CDC20B: variants seen among roughly 807,000 people sequenced by gnomAD.
CDC20B encodes cell division cycle protein 20 homolog B.
Under a neutral mutation model 64.1 loss-of-function variants are expected in CDC20B, and 58 were observed. The observed-to-expected ratio is 0.90, with a 90% CI of 0.73 to 1.13. The LOEUF is 1.13. CDC20B is among the 50% of genes most tolerant of loss of function. CDC20B has a pLI of 0.00. For synonymous variants in CDC20B, 243 were observed against 230.6 expected, an observed-to-expected ratio of 1.05 and a Z score of -0.49; for missense variants, 597 against 633.0, an observed-to-expected ratio of 0.94 and a Z score of 0.61.
chr5:55,125,139 T>A, intron 8 of CDC20B, 111 bp from the exon 9 acceptor site: 1 of 755,448 alleles, frequency 1.3e-6, no homozygotes, highest in South Asian at 1.9e-5. Flanking sequence ...TAGGACAGAT[T>A]CAAAACACAG....
At chr5:55,144,061 A>T (rs1327029129) in intron 3 of CDC20B, among the ~76,000 whole-genome samples, 1 of 152,020 alleles carries the variant, frequency 6.6e-6, no homozygotes, top group Non-Finnish European at 1.5e-5. Flanking sequence ...ATAGTTTTAA[A>T]TGATAGTGGA....
At chr5:55,120,606 T>A in intron 9 of CDC20B, 56 bp from the exon 10 acceptor site, 1 of 1,597,478 alleles carries the variant, frequency 6.3e-7, no homozygotes, top group Non-Finnish European at 8.5e-7. Flanking sequence ...GGTGCACTCA[T>A]GAATGTGATG....
intron 11 of CDC20B, among the ~76,000 whole-genome samples, chr5:55,117,091 T>G (rs1435833024): frequency 6.6e-6 from 1 of 152,196 alleles, no homozygotes; most frequent in African/African-American, 2.4e-5. Flanking sequence ...TATTGATACA[T>G]GGAATGATGA....
chr5:55,159,062 A>T (rs1213654556), intron 2 of CDC20B, among the ~76,000 whole-genome samples: 1 of 151,988 alleles, frequency 6.6e-6, no homozygotes, highest in East Asian at 1.9e-4. Context: ...TCACTCTGTC[A>T]CCCAGGCTGC....
At chr5:55,146,248 C>G (rs1743470484) in intron 3 of CDC20B, among the ~76,000 whole-genome samples, 1 of 152,152 alleles carries the variant, frequency 6.6e-6, no homozygotes, top group Non-Finnish European at 1.5e-5. Flanking sequence ...AATCAGACCA[C>G]GTGCAAATAA....
chr5:55,143,637 C>A lies in CDC20B; in HGVS notation c.362G>T (p.Arg121Leu), dbSNP rs1297187074. Residue 121 changes from arginine (R) to leucine (L), a missense_variant, in exon 4 of 12, where the codon CGC (arginine) becomes CTC (leucine). By Grantham distance (102) the Arg-to-Leu change is moderately radical. Transcript: ENST00000381375. The stretch of plus-strand genomic sequence containing the variant: ...GCTGGGGGTCTTCAGTTGTTCTTTG[C>A]GGGATCCTACAAGAAAGACATTTAT... ...PEKETLTLGSRKEQLKTPSKG... is the reference protein window; with the variant it reads ...PEKETLTLGSLKEQLKTPSKG... The A allele has an allele frequency of 6.3e-7, 1 of 1,585,286 alleles. No homozygotes were observed. The highest frequency in any genetic ancestry group is 1.2e-5 in the South Asian group (1 of 85,932).
chr5:55,125,432 T>C (rs1265219023), intron 8 of CDC20B, among the ~76,000 whole-genome samples: 2 of 152,242 alleles, frequency 1.3e-5, no homozygotes, highest in Non-Finnish European at 2.9e-5. Context: ...TTTCAGTATA[T>C]ATTTACAGTA....
At chr5:55,156,906 C>T (rs1397570914) in intron 2 of CDC20B, among the ~76,000 whole-genome samples, 1 of 152,090 alleles carries the variant, frequency 6.6e-6, no homozygotes, top group Non-Finnish European at 1.5e-5. Flanking sequence ...AAAAATAAGT[C>T]ATTTATTTAG....
chr5:55,129,670 A>G (rs1338967433), intron 6 of CDC20B, among the ~76,000 whole-genome samples: 3 of 152,222 alleles, frequency 2.0e-5, no homozygotes, highest in Non-Finnish European at 4.4e-5. Flanking sequence ...CACCTTAGTA[A>G]AGGCTTTAAG....
intron 1 of CDC20B, 24 bp downstream of exon 1, chr5:55,172,914 A>G (rs1432696212): frequency 6.3e-7 from 1 of 1,582,262 alleles, no homozygotes; most frequent in East Asian, 2.3e-5. Flanking sequence ...AGTTAGGGAG[A>G]ATGCAGAAAA....
intron 2 of CDC20B, chr5:55,160,881 C>T (rs1744008182): frequency 3.6e-6 from 4 of 1,115,822 alleles, no homozygotes; most frequent in South Asian, 3.4e-5. Context: ...ATGAAAAAAA[C>T]ATCAATCAGA....
At chr5:55,128,037 C>G (rs1195168462) in intron 7 of CDC20B, among the ~76,000 whole-genome samples, 4 of 151,930 alleles carry the variant, frequency 2.6e-5, no homozygotes, top group Admixed American at 6.5e-5. Context: ...TCTCAAGGAG[C>G]CTATCAGAAA....
Position 55,124,909 on chromosome 5 carries a change from A to T in CDC20B, c.1109T>A (p.Leu370His). The T allele has an allele frequency of 6.2e-7, 1 of 1,614,178 alleles. No individual in the cohort carries two copies. Among genetic ancestry groups the T allele is most frequent in the Non-Finnish European group, 8.5e-7 (1 of 1,180,022 alleles). Residue 370 changes from leucine (L) to histidine (H), a missense_variant, in exon 9 of 12, where the codon CTT (leucine) becomes CAT (histidine). By Grantham distance (99) the Leu-to-His change is moderately conservative. Around this residue, in one of 3 missense-constraint regions of CDC20B, gnomAD observed 353 missense variants for 397.0 expected, o/e 0.89. Coordinates refer to ENST00000381375, the MANE Select transcript of CDC20B (RefSeq NM_001170402.1). ...ALKWSPDGRL[L>H]SSGCSDGLLT... ...CAGTCCATCACTGCAGCCGCTGGAA[A>T]GCAGCCTGCCATCCGGTGACCACTT...
chr5:55,116,173 A>G (rs1742622726), intron 11 of CDC20B, among the ~76,000 whole-genome samples: 3 of 152,320 alleles, frequency 2.0e-5, no homozygotes, highest in South Asian at 4.1e-4. Context: ...TTTATGGAAG[A>G]CCACTGTCTA....
At chr5:55,151,731 A>T (rs764567107) in intron 2 of CDC20B, among the ~76,000 whole-genome samples, 3 of 152,192 alleles carry the variant, frequency 2.0e-5, no homozygotes, top group Non-Finnish European at 4.4e-5. Flanking sequence ...GTTTTCTGCC[A>T]GGGTAAATCC....
Position 55,143,380 on chromosome 5 carries a change from T to TC in CDC20B, c.486+132dup, listed in dbSNP as rs1295037399. ...GGCTCTATTCATATCCTTCAATTAT[T>TC]CATTTTTTATCAGGAATGCATCATT... On this transcript the variant is annotated intron_variant, in intron 4 of 11. Transcript: ENST00000381375. The TC allele has an allele frequency of 7.8e-6, 7 of 901,282 alleles. No homozygotes were observed. The East Asian group carries it at 2.0e-4, about 25-fold the overall frequency. 55.8% of individuals were successfully genotyped at this position (901,282 alleles called of 1,614,324 possible).
In CDC20B at chr5:55,127,240, A is replaced by G; in HGVS notation, c.989+17T>C. 6.2e-7 allele frequency: 1 copy of G among 1,605,024 alleles called. No individual in the cohort carries two copies. Among genetic ancestry groups the G allele is most frequent in the Admixed American group, 1.7e-5 (1 of 59,996 alleles). On this transcript the variant is annotated intron_variant, in intron 8 of 11. Coordinates refer to ENST00000381375, the MANE Select transcript of CDC20B (RefSeq NM_001170402.1). ...TGTTAATACAAACATAACTGTCTCC[A>G]ACAAGACGCTTCTTACCTGCTGAGG...
At chr5:55,129,085 A>G (rs1742965886) in intron 6 of CDC20B, among the ~76,000 whole-genome samples, 1 of 152,224 alleles carries the variant, frequency 6.6e-6, no homozygotes, top group South Asian at 2.1e-4. Flanking sequence ...AGTATTCTAT[A>G]GCTTATACTA....
At chr5:55,119,742 C>G in intron 11 of CDC20B, 59 bp downstream of exon 11, 2 of 1,040,982 alleles carry the variant, frequency 1.9e-6, no homozygotes, top group East Asian at 2.4e-5. Context: ...GGGCTTTTCC[C>G]CCCAACAACA....
Sources: gnomAD v4.1 joint callset for allele counts (sites outside exome capture counted in the v4.1 genomes callset) on GRCh38, gnomAD v4.1.1 for gene constraint, gnomAD v4.1.1 regional missense constraint, MANE v1.5 for transcripts, NCBI Gene and HGNC (gene_info 2026-07-23, HGNC 2026-07-21) for gene names.